Variants in PIGN observed in about 807,000 individuals in gnomAD.
PIGN encodes phosphatidylinositol glycan anchor biosynthesis class N.
PIGN carries 117 observed loss-of-function variants against 125.4 expected under a neutral mutation model. The ratio of observed to expected loss-of-function variants is 0.93; its 90% CI spans 0.80 to 1.09. The LOEUF is 1.09. Ranked by LOEUF, PIGN falls within the 50% of genes least tolerant of loss-of-function variation. The probability of loss-of-function intolerance (pLI) is 0.00; values close to 1 mark genes in which losing one functional copy is unlikely to be tolerated. For synonymous variants in PIGN, 392 were observed against 377.8 expected (o/e 1.04, Z -0.44); for missense variants, 1,075 against 1,094.9 (o/e 0.98, Z 0.26).
chr18:62,070,910 C>CTTTT (rs2145668774), intron 30 of PIGN, among the ~76,000 whole-genome samples: 1 of 152,156 alleles, frequency 6.6e-6, no homozygotes, highest in East Asian at 1.9e-4. Flanking sequence ...GGCTCAAGCA[C>CTTTT]TTTTTCTGCC....
rs760795380 is a variant in PIGN at position 62,074,828 on chromosome 18, A to C, written c.2577-7T>G. The C allele has an allele frequency of 2.5e-6, 4 of 1,602,420 alleles. No individual in the cohort carries two copies. Among genetic ancestry groups the C allele is most frequent in the Non-Finnish European group, 2.6e-6 (3 of 1,171,706 alleles). ...GAGAACAATGAGAAAAAGGCTGGAA[A>C]AAAAAAGAAGGAAAAATTACATCTA... On this transcript the variant is annotated splice_polypyrimidine_tract_variant and splice_region_variant and intron_variant, in intron 28 of 30. Transcript: ENST00000640252.
chr18:62,167,406 T>A (rs1446468301), intron 1 of PIGN, among the ~76,000 whole-genome samples: 2 of 142,052 alleles, frequency 1.4e-5, no homozygotes, highest in Admixed American at 1.4e-4. Flanking sequence ...CCGAGGTGGG[T>A]GGATCTCTTG....
chr18:62,144,796 T>TA (rs2036259668), intron 10 of PIGN, among the ~76,000 whole-genome samples: 1 of 152,160 alleles, frequency 6.6e-6, no homozygotes, highest in African/African-American at 2.4e-5. Flanking sequence ...CTTTGCCAAA[T>TA]ATCTTAATAA....
chr18:62,138,672 A>T (rs939291818), intron 13 of PIGN, among the ~76,000 whole-genome samples: 1 of 152,200 alleles, frequency 6.6e-6, no homozygotes, highest in Non-Finnish European at 1.5e-5. Flanking sequence ...GAATGACAAG[A>T]AATGTTGCAA....
Position 62,149,471 on chromosome 18 carries a change from T to G in PIGN, c.550-1133A>C, listed in dbSNP as rs143606329. Among the ~76,000 whole-genome samples the G allele has an allele frequency of 9.7e-4, 147 of 152,278 alleles. 1 individual carries two copies. The highest frequency in any genetic ancestry group is 3.4e-3 in the African/African-American group (143 of 41,562). On this transcript the variant is annotated intron_variant, in intron 7 of 30. Transcript: ENST00000640252. The stretch of plus-strand genomic sequence containing the variant: ...CAAATGACTTGAATTACATCTATAA[T>G]TTGTTCTATGGCTGGTACAATATAT...
At chr18:62,072,216 A>G (rs1250698251) in intron 30 of PIGN, 1 of 151,980 alleles carries the variant, frequency 6.6e-6, no homozygotes, top group Admixed American at 6.6e-5. Context: ...GTTTTTGTAT[A>G]GCTATATAAT....
At chr18:62,161,047 G>A (rs2036933278) in intron 4 of PIGN, 86 bp downstream of exon 4, 1 of 827,992 alleles carries the variant, frequency 1.2e-6, no homozygotes, top group Non-Finnish European at 1.9e-6. Flanking sequence ...TGTGCCCAGT[G>A]CATGATAAAT....
chr18:62,084,702 T>G, intron 26 of PIGN, 96 bp from the exon 27 acceptor site: 1 of 826,718 alleles, frequency 1.2e-6, no homozygotes, highest in Non-Finnish European at 2.0e-6. Context: ...TTCTCTGAAA[T>G]CTACTTACTA....
At chr18:62,112,399 A>G (rs2034914759) in intron 16 of PIGN, among the ~76,000 whole-genome samples, 1 of 152,176 alleles carries the variant, frequency 6.6e-6, no homozygotes, top group Non-Finnish European at 1.5e-5. Context: ...ATAATCATTA[A>G]AGAGAATGAA....
chr18:62,040,259 G>C (rs1040902610), downstream of PIGN, among the ~76,000 whole-genome samples: 6 of 145,144 alleles, frequency 4.1e-5, no homozygotes, highest in Non-Finnish European at 7.6e-5. Flanking sequence ...CGCACCCCAT[G>C]TTTAGGGCCC....
intron 28 of PIGN, chr18:62,075,725 G>T (rs1435024448): frequency 6.6e-6 from 1 of 152,152 alleles, no homozygotes; most frequent in Non-Finnish European, 1.5e-5. Flanking sequence ...TACATCAAGA[G>T]TGCAATTGCT....
intron 23 of PIGN, among the ~76,000 whole-genome samples, chr18:62,031,783 ACAAT>A (rs2144890291): frequency 6.6e-6 from 1 of 152,296 alleles, no homozygotes; most frequent in East Asian, 1.9e-4. Flanking sequence ...AAAGTACTAA[ACAAT>A]CAGAGAAGTG....
intron 16 of PIGN, 97 bp from the exon 17 acceptor site, chr18:62,110,070 C>T (rs1381353135): frequency 8.9e-7 from 1 of 1,118,838 alleles, no homozygotes; most frequent in African/African-American, 1.6e-5. Flanking sequence ...CTATTACTTT[C>T]TTTCAATGGT....
chr18:62,099,811 T>A (rs571608462), intron 22 of PIGN, among the ~76,000 whole-genome samples: 1 of 151,966 alleles, frequency 6.6e-6, no homozygotes, highest in African/African-American at 2.4e-5. Flanking sequence ...AAAAAAGAAA[T>A]CAACTCAAAA....
At chr18:62,143,261 A>G in intron 11 of PIGN, 45 bp downstream of exon 11, 1 of 994,500 alleles carries the variant, frequency 1.0e-6, no homozygotes, top group Non-Finnish European at 1.5e-6. Flanking sequence ...ACCTTCTTAT[A>G]GAAGATAAAA....
At chr18:62,052,905 C>T (rs944948685) in intron 30 of PIGN, 2 of 386,742 alleles carry the variant, frequency 5.2e-6, no homozygotes, top group African/African-American at 4.1e-5. Flanking sequence ...CTGGTGGTGA[C>T]AAAATCTCTC....
intron 1 of PIGN, among the ~76,000 whole-genome samples, chr18:62,166,847 A>G (rs544136319): frequency 6.6e-6 from 1 of 152,342 alleles, no homozygotes; most frequent in African/African-American, 2.4e-5. Flanking sequence ...AGAGTTAAAC[A>G]ATGAGAACAC....
At chr18:62,140,375 G>GTT (rs139613830) in intron 12 of PIGN, 45 bp downstream of exon 12, 877 of 852,412 alleles carry the variant, frequency 1.0e-3, no homozygotes, top group South Asian at 3.5e-3. Context: ...CTGTGCGATA[G>GTT]TTTTTTTTTA....
chr18:62,106,226 A>AT (rs1205012386), intron 19 of PIGN, among the ~76,000 whole-genome samples: 2 of 152,238 alleles, frequency 1.3e-5, no homozygotes, highest in African/African-American at 4.8e-5. Context: ...GAGTAGAAAG[A>AT]AGATATCTTC....
Sources: allele counts gnomAD v4.1 joint callset (sites outside exome capture counted in the v4.1 genomes callset), GRCh38; gene constraint gnomAD v4.1.1; transcripts MANE v1.5; gene names NCBI Gene and HGNC (gene_info 2026-07-23, HGNC 2026-07-21).